KCNH1: variants seen among roughly 807,000 people sequenced by gnomAD.
KCNH1 encodes the protein potassium voltage-gated channel subfamily H member 1.
Under a neutral mutation model 69.2 loss-of-function variants are expected in KCNH1, and 27 were observed. The ratio of observed to expected loss-of-function variants is 0.39; its 90% CI spans 0.29 to 0.54. The LOEUF (loss-of-function observed/expected upper bound fraction) is 0.54. Among genes scored for constraint, KCNH1 ranks in the 20% least tolerant of loss-of-function variants. The pLI is 0.68. For synonymous variants in KCNH1, 456 were observed against 487.7 expected (o/e 0.93, Z 0.86); for missense variants, 798 against 1,261.6 (o/e 0.63, Z 5.57).
At chr1:211,048,832 C>A (rs1424465883) in intron 5 of KCNH1, among the ~76,000 whole-genome samples, 1 of 152,124 alleles carries the variant, frequency 6.6e-6, no homozygotes, top group Non-Finnish European at 1.5e-5. Context: ...TCCCCAAAAA[C>A]TATTGAAATT....
intron 6 of KCNH1, among the ~76,000 whole-genome samples, chr1:211,017,171 G>C (rs749744880): frequency 6.6e-6 from 1 of 152,102 alleles, no homozygotes; most frequent in Non-Finnish European, 1.5e-5. Flanking sequence ...TACATTGGCA[G>C]CATTTTGTAG....
chr1:210,860,970 G>GC (rs1685965656), intron 7 of KCNH1: 1 of 991,046 alleles, frequency 1.0e-6, no homozygotes, highest in Non-Finnish European at 1.6e-6. Flanking sequence ...CAGCTAAAGA[G>GC]CCAATCATGC....
intron 6 of KCNH1, among the ~76,000 whole-genome samples, chr1:210,957,632 C>T (rs533224921): frequency 5.3e-5 from 8 of 152,220 alleles, no homozygotes; most frequent in Admixed American, 1.3e-4. Context: ...GGTTAGTTAG[C>T]GCTTCTTGTT....
intron 5 of KCNH1, among the ~76,000 whole-genome samples, chr1:211,039,133 G>A (rs1689948668): frequency 6.6e-6 from 1 of 152,192 alleles, no homozygotes; most frequent in African/African-American, 2.4e-5. Flanking sequence ...TGTCCCAGCT[G>A]CTCCAGCTGT....
chr1:210,838,338 T>G (rs1685330013), intron 7 of KCNH1, among the ~76,000 whole-genome samples: 1 of 151,890 alleles, frequency 6.6e-6, no homozygotes, highest in South Asian at 2.1e-4. Flanking sequence ...TACATAAAAA[T>G]CAACTAAAGA....
chr1:210,915,160 A>G (rs937414234), intron 7 of KCNH1, among the ~76,000 whole-genome samples: 4 of 152,192 alleles, frequency 2.6e-5, no homozygotes, highest in Non-Finnish European at 5.9e-5. Flanking sequence ...GGGATTCCTC[A>G]AAAGCCAGGG....
At chr1:210,745,925 G>A (rs958309461) in intron 10 of KCNH1, among the ~76,000 whole-genome samples, 18 of 151,086 alleles carry the variant, frequency 1.2e-4, no homozygotes, top group Non-Finnish European at 2.2e-4. Flanking sequence ...TGGCACTAGA[G>A]GGGGGGTGGT....
chr1:210,721,774 T>C (rs532277081), intron 10 of KCNH1, among the ~76,000 whole-genome samples: 48 of 152,024 alleles, frequency 3.2e-4, no homozygotes, highest in African/African-American at 1.2e-3. Context: ...GTTGTGCACA[T>C]GTACCCTAAA....
intron 5 of KCNH1, among the ~76,000 whole-genome samples, chr1:211,023,439 G>A (rs1157441631): frequency 1.3e-5 from 2 of 151,368 alleles, no homozygotes; most frequent in Non-Finnish European, 2.9e-5. Flanking sequence ...AAATATTAAT[G>A]GATATATGTA....
At chr1:210,964,948 T>A (rs944044755) in intron 6 of KCNH1, among the ~76,000 whole-genome samples, 1 of 152,104 alleles carries the variant, frequency 6.6e-6, no homozygotes, top group Non-Finnish European at 1.5e-5. Flanking sequence ...TGGTTCAATA[T>A]ACACAATCAA....
intron 5 of KCNH1, among the ~76,000 whole-genome samples, chr1:211,059,411 T>C (rs1423144331): frequency 2.0e-5 from 3 of 151,732 alleles, no homozygotes; most frequent in Non-Finnish European, 2.9e-5. Context: ...AGTGCACCCA[T>C]ATATGTAAAG....
chr1:210,786,095 A>G (rs61116511), intron 9 of KCNH1, among the ~76,000 whole-genome samples: 4,922 of 152,184 alleles, frequency 0.032, 261 homozygotes, highest in African/African-American at 0.11. Flanking sequence ...CCTGAACCCA[A>G]TACCCATCCC....
At position 210,781,452 on chromosome 1, in the gene KCNH1, C is replaced by T. The variant is rs557269845; in HGVS notation, c.1916-5908G>A. Among the ~76,000 whole-genome samples the T allele has an allele frequency of 9.2e-5, 14 of 152,246 alleles. No individual in the cohort carries two copies. In the South Asian group the frequency reaches 2.9e-3, roughly 32 times the overall value. On this transcript the variant is annotated intron_variant, in intron 9 of 10. Coordinates refer to ENST00000271751, the MANE Select transcript of KCNH1 (RefSeq NM_172362.3). ...TCAGGACAAGAGGGGTTTCTTCATT[C>T]ACTTCATCAGGATGATGAAATGCAG... is the stretch of plus-strand genomic sequence containing the variant.
intron 10 of KCNH1, among the ~76,000 whole-genome samples, chr1:210,750,563 T>C (rs190344688): frequency 1.6e-3 from 241 of 152,328 alleles, no homozygotes; most frequent in African/African-American, 5.6e-3. Flanking sequence ...TTCAGTTTCA[T>C]AAGCCAAGTC....
chr1:211,039,829 G>A (rs182766734), intron 5 of KCNH1, among the ~76,000 whole-genome samples: 173 of 152,266 alleles, frequency 1.1e-3, no homozygotes, highest in African/African-American at 4.0e-3. Context: ...GCTCATAGGT[G>A]GAAGGGACTT....
intron 7 of KCNH1, chr1:210,859,344 A>G (rs1358942248): frequency 2.0e-6 from 3 of 1,526,368 alleles, no homozygotes; most frequent in Non-Finnish European, 2.7e-6. Context: ...CATTAAGACC[A>G]TGAGTCAGAC....
intron 5 of KCNH1, among the ~76,000 whole-genome samples, chr1:211,063,007 C>T (rs1277426706): frequency 6.6e-6 from 1 of 152,224 alleles, no homozygotes; most frequent in East Asian, 1.9e-4. Context: ...ATCTGCACTT[C>T]CCATATTTAT....
intron 6 of KCNH1, among the ~76,000 whole-genome samples, chr1:210,981,372 C>CAAAAAAAAA (rs10684074): frequency 2.0e-4 from 17 of 85,452 alleles, no homozygotes; most frequent in East Asian, 3.7e-4. Context: ...GTAACAACGA[C>CAAAAAAAAA]AAAAAAAAAA....
At chr1:210,733,540 G>A (rs1054958034) in intron 10 of KCNH1, among the ~76,000 whole-genome samples, 1 of 152,194 alleles carries the variant, frequency 6.6e-6, no homozygotes, top group African/African-American at 2.4e-5. Flanking sequence ...TTTCATCTGA[G>A]CAAATTCCAG....
Sources: gnomAD v4.1 joint callset for allele counts (sites outside exome capture counted in the v4.1 genomes callset) on GRCh38, gnomAD v4.1.1 for gene constraint, MANE v1.5 for transcripts, NCBI Gene and HGNC (gene_info 2026-07-23, HGNC 2026-07-21) for gene names.